Variants in ATP10D observed in about 807,000 individuals in gnomAD.
The protein encoded by ATP10D is ATPase phospholipid transporting 10D (putative).
ATP10D carries 89 observed loss-of-function variants against 144.8 expected under a neutral mutation model. The ratio of observed to expected loss-of-function variants is 0.61; its 90% CI spans 0.52 to 0.73. The LOEUF is 0.73. Among genes scored for constraint, ATP10D ranks in the 30% least tolerant of loss-of-function variants. ATP10D has a pLI of 0.00. For synonymous variants in ATP10D, 571 were observed against 615.1 expected (o/e 0.93, Z 1.06); for missense variants, 1,603 against 1,714.8 (o/e 0.93, Z 1.15).
chr4:47,529,750 A>C (rs1346261726), intron 5 of ATP10D, among the ~76,000 whole-genome samples: 1 of 152,136 alleles, frequency 6.6e-6, no homozygotes, highest in East Asian at 1.9e-4. Context: ...ATTTTTAACA[A>C]TATTGATTCT....
rs1184910645 is a variant in ATP10D at position 47,572,974 on chromosome 4, C to T, written c.3343C>T (p.Leu1115Phe). ...WCYTRLSNMI[L>F]YFFYKNVAYV... ...TTATACACGGCTTTCCAACATGATT[C>T]TCTATTTTTTCTATAAGAATGTGGT... Residue 1115 changes from leucine (L) to phenylalanine (F), a missense_variant, in exon 18 of 23, where the codon CTC becomes TTC. Coordinates refer to ENST00000273859, the MANE Select transcript of ATP10D (RefSeq NM_020453.4). 7 of 1,614,078 alleles carry T rather than the reference C, an allele frequency of 4.3e-6. No individual in the cohort carries two copies. The East Asian group carries it at 1.6e-4, about 36-fold the overall frequency.
intron 16 of ATP10D, among the ~76,000 whole-genome samples, chr4:47,571,679 G>T (rs897060989): frequency 6.6e-6 from 1 of 152,118 alleles, no homozygotes; most frequent in Non-Finnish European, 1.5e-5. Context: ...TGTGTGATAG[G>T]TGTGCTAGAG....
At chr4:47,551,561 G>A (rs1718733948) in intron 10 of ATP10D, among the ~76,000 whole-genome samples, 1 of 152,154 alleles carries the variant, frequency 6.6e-6, no homozygotes, top group Non-Finnish European at 1.5e-5. Flanking sequence ...GCAAATTATA[G>A]TAACATATGA....
chr4:47,492,418 T>C (rs1715126002), intron 1 of ATP10D, among the ~76,000 whole-genome samples: 1 of 152,210 alleles, frequency 6.6e-6, no homozygotes. Context: ...GAGTAAATTA[T>C]TGGGATCGGG....
intron 5 of ATP10D, among the ~76,000 whole-genome samples, chr4:47,528,499 GTGTGTGTGTGTGTGTATA>G (rs1333107132): frequency 0.041 from 2,440 of 59,532 alleles, 46 homozygotes; most frequent in African/African-American, 0.064. Flanking sequence ...GTGTGTGTGT[GTGTGTGTGTGTGTGTATA>G]TATATATATA....
In ATP10D at chr4:47,536,567, AATTTTTT is replaced by A; in HGVS notation, c.1143+6_1143+12del. ...GGACCATGATCATTTTGTTACAGGTAATTTTTTATCAAGCTTATGGTAGAATTTTAAC... is the reference window on the plus strand; with the variant it reads ...GGACCATGATCATTTTGTTACAGGTAATCAAGCTTATGGTAGAATTTTAAC... On this transcript the variant is annotated splice_donor_5th_base_variant and intron_variant, in intron 8 of 22. Coordinates refer to ENST00000273859, the MANE Select transcript of ATP10D (RefSeq NM_020453.4). 1 of 1,611,614 alleles carries A rather than the reference AATTTTTT, an allele frequency of 6.2e-7. No homozygotes were observed. Among genetic ancestry groups the A allele is most frequent in the South Asian group, 1.1e-5 (1 of 90,300 alleles).
intron 1 of ATP10D, among the ~76,000 whole-genome samples, chr4:47,499,712 T>A (rs1223764473): frequency 6.6e-6 from 1 of 152,270 alleles, no homozygotes; most frequent in Non-Finnish European, 1.5e-5. Flanking sequence ...CATTGTATAA[T>A]GATTTCTATC....
chr4:47,557,771 T>C lies in ATP10D; in HGVS notation c.1932T>C (p.Ser644=). Residue 644 remains serine, a synonymous_variant, in exon 12 of 23, where the codon AGT becomes AGC. Coordinates refer to ENST00000273859, the MANE Select transcript of ATP10D (RefSeq NM_020453.4). The stretch of plus-strand genomic sequence containing the variant: ...GATCAAGTTCTCCATCGCTTAACAG[T>C]GGGAAAGAGCCATCTTCTGGAGTTC... ...VRRSSSPSLN[S]GKEPSSGVPN... is the part of the protein sequence containing the mutation. The C allele has an allele frequency of 6.2e-7, 1 of 1,614,198 alleles. No individual in the cohort carries two copies. Among genetic ancestry groups the C allele is most frequent in the Non-Finnish European group, 8.5e-7 (1 of 1,180,046 alleles).
chr4:47,554,181 C>G (rs1052627030), intron 10 of ATP10D, among the ~76,000 whole-genome samples: 25 of 152,114 alleles, frequency 1.6e-4, no homozygotes, highest in African/African-American at 5.8e-4. Flanking sequence ...CTGGAAGAAC[C>G]CTTATTAATG....
chr4:47,566,917 A>G (rs1719667710), intron 15 of ATP10D, among the ~76,000 whole-genome samples: 2 of 152,212 alleles, frequency 1.3e-5, no homozygotes, highest in South Asian at 2.1e-4. Context: ...AGTTCCCCCC[A>G]TAGGACACAT....
chr4:47,544,917 C>A (rs921622358), intron 9 of ATP10D, among the ~76,000 whole-genome samples: 1 of 152,056 alleles, frequency 6.6e-6, no homozygotes, highest in Non-Finnish European at 1.5e-5. Flanking sequence ...CACATAAGGC[C>A]CCTGCTCTCA....
At chr4:47,486,829 A>C (rs1463946904) in intron 1 of ATP10D, among the ~76,000 whole-genome samples, 1 of 152,210 alleles carries the variant, frequency 6.6e-6, no homozygotes, top group Non-Finnish European at 1.5e-5. Context: ...AACATTCATT[A>C]AATTGCATGA....
chr4:47,554,741 C>T lies in ATP10D; in HGVS notation c.1651C>T (p.Pro551Ser). The T allele has an allele frequency of 6.2e-7, 1 of 1,612,002 alleles. No homozygotes were observed. The highest frequency in any genetic ancestry group is 1.1e-5 in the South Asian group (1 of 90,660). The change falls in exon 11 of 23, where the codon CCA (proline) becomes TCA (serine). Residue 551 changes from proline (P) to serine (S), a missense_variant. Coordinates refer to ENST00000273859, the MANE Select transcript of ATP10D (RefSeq NM_020453.4). The stretch of plus-strand genomic sequence containing the variant: ...GGATCTTCAGGAAACAGACGTGGTA[C>T]CAGACACCAGGCTTTTAGACAAATT... ...FSSPIETDVV[P>S]DTRLLDKFSQ...
At chr4:47,580,321 A>G (rs1720446514) in intron 19 of ATP10D, 77 bp from the exon 20 acceptor site, 1 of 1,128,012 alleles carries the variant, frequency 8.9e-7, no homozygotes, top group Non-Finnish European at 1.3e-6. Context: ...AAACAAATGT[A>G]AGTACTGGCT....
chr4:47,563,856 CA>C (rs1447694112), intron 15 of ATP10D, 91 bp downstream of exon 15: 2 of 1,149,248 alleles, frequency 1.7e-6, no homozygotes, highest in African/African-American at 3.2e-5. Context: ...AAAAAAAAAA[CA>C]AAACAGCAAC....
At chr4:47,585,036 T>C (rs934107621) in intron 21 of ATP10D, among the ~76,000 whole-genome samples, 11 of 152,238 alleles carry the variant, frequency 7.2e-5, no homozygotes, top group Non-Finnish European at 7.3e-5. Context: ...GTACACACCA[T>C]GATTTTAGGT....
chr4:47,505,844 AT>A (rs899547365), intron 1 of ATP10D, among the ~76,000 whole-genome samples: 1 of 151,648 alleles, frequency 6.6e-6, no homozygotes, highest in Non-Finnish European at 1.5e-5. Flanking sequence ...ATGATTATAG[AT>A]TTTTTTTTCT....
At chr4:47,521,874 A>G (rs1400807750) in intron 3 of ATP10D, among the ~76,000 whole-genome samples, 4 of 152,218 alleles carry the variant, frequency 2.6e-5, no homozygotes, top group African/African-American at 9.6e-5. Flanking sequence ...GTTGGTTTCA[A>G]CCTTGTGCAT....
intron 5 of ATP10D, among the ~76,000 whole-genome samples, chr4:47,529,015 A>C (rs1294191509): frequency 6.6e-6 from 1 of 151,864 alleles, no homozygotes; most frequent in Non-Finnish European, 1.5e-5. Context: ...GATTTGTTTG[A>C]GTTCCTTGTA....
Sources: allele counts gnomAD v4.1 joint callset (sites outside exome capture counted in the v4.1 genomes callset), GRCh38; gene constraint gnomAD v4.1.1; transcripts MANE v1.5; gene names NCBI Gene and HGNC (gene_info 2026-07-23, HGNC 2026-07-21).